The following OTULIN variants were observed in gnomAD, a reference collection of about 807,000 sequenced individuals.
OTULIN encodes the protein ubiquitin thioesterase otulin.
OTULIN carries 15 observed loss-of-function variants against 39.6 expected under a neutral mutation model. The observed-to-expected ratio is 0.38, with a 90% confidence interval of 0.25 to 0.58. The LOEUF is 0.58. OTULIN is among the 20% of genes least tolerant of loss of function. The pLI, the probability that OTULIN is intolerant of heterozygous loss-of-function variation, is 0.66. For missense variants in OTULIN, 319 were observed against 445.9 expected, an observed-to-expected ratio of 0.72 and a Z score of 2.56; for synonymous variants, 156 against 170.3, an observed-to-expected ratio of 0.92 and a Z score of 0.65.
At position 14,693,087 on chromosome 5, in the gene OTULIN, A is replaced by T; in HGVS notation, c.*39A>T. 1 of 1,547,702 alleles carries T rather than the reference A, an allele frequency of 6.5e-7. No individual in the cohort carries two copies. The highest frequency in any genetic ancestry group is 8.8e-7 in the Non-Finnish European group (1 of 1,139,906). ...CTGACAGCCTGGCGACGTGGCGAAG[A>T]TGCACAGGTGGCTCCTGGGCTTGGG... On this transcript the variant is annotated 3_prime_UTR_variant, in exon 7 of 7. Coordinates refer to ENST00000284274, the MANE Select transcript of OTULIN (RefSeq NM_138348.6).
intron 5 of OTULIN, among the ~76,000 whole-genome samples, chr5:14,688,587 T>A (rs1579975306): frequency 6.6e-6 from 1 of 152,336 alleles, no homozygotes; most frequent in Non-Finnish European, 1.5e-5. Flanking sequence ...GAACCTAGTT[T>A]TTGCTTAGAA....
Position 14,696,752 on chromosome 5 carries a change from A to AATACATAATTATGTAT in OTULIN, c.*3704_*3705insATACATAATTATGTAT, listed in dbSNP as rs573761601. The AATACATAATTATGTAT allele has an allele frequency of 1.3e-5, 2 of 152,198 alleles. No homozygotes were observed. Among genetic ancestry groups the AATACATAATTATGTAT allele is most frequent in the African/African-American group, 4.8e-5 (2 of 41,458 alleles). The allele number at this position is 152,198 out of a possible 1,614,324, so 9.4% of individuals were successfully genotyped here. A position where few individuals can be genotyped will look rare whatever the true frequency, so the allele number is the denominator to read the frequency against. On this transcript the variant is annotated 3_prime_UTR_variant, in exon 7 of 7. Transcript: ENST00000284274. ...CCTATTTCTAAAATTTAAGTCCCTT[A>AATACATAATTATGTAT]TTTAACAGAAGTATGTATTTTAATG...
At chr5:14,677,750 C>A (rs779753857) in intron 2 of OTULIN, among the ~76,000 whole-genome samples, 6 of 152,034 alleles carry the variant, frequency 3.9e-5, no homozygotes, top group Non-Finnish European at 7.3e-5. Flanking sequence ...TATTATCGAC[C>A]ACTTTTAGGT....
At position 14,693,353 on chromosome 5, in the gene OTULIN, G is replaced by T; in HGVS notation, c.*305G>T. The T allele has an allele frequency of 3.8e-6, 1 of 266,484 alleles. No homozygotes were observed. Among genetic ancestry groups the T allele is most frequent in the Non-Finnish European group, 7.1e-6 (1 of 141,798 alleles). The allele number at this position is 266,484 out of a possible 1,614,324, so 16.5% of individuals were successfully genotyped here. On this transcript the variant is annotated 3_prime_UTR_variant, in exon 7 of 7. Coordinates refer to ENST00000284274, the MANE Select transcript of OTULIN (RefSeq NM_138348.6). ...GTATCAGAGGAAACTCAGTTTTGGA[G>T]AGGAATATGTTCTTTATGTCTCAAA...
the OTULIN span, chr5:14,712,762 C>T: frequency 1.9e-6 from 2 of 1,078,060 alleles, no homozygotes; most frequent in Non-Finnish European, 2.8e-6. Context: ...GCAGTGTCAC[C>T]AAGGATCCCC....
chr5:14,711,413 T>C, the OTULIN span: 15 of 973,744 alleles, frequency 1.5e-5, no homozygotes, highest in East Asian at 2.9e-4. Flanking sequence ...GACCCCTCAC[T>C]GTAGGCTTAA....
the OTULIN span, among the ~76,000 whole-genome samples, chr5:14,712,148 C>A: frequency 6.6e-6 from 1 of 152,246 alleles, no homozygotes; most frequent in Non-Finnish European, 1.5e-5. Flanking sequence ...TCTCAGCCCA[C>A]ACCCCTCAGC....
In OTULIN at chr5:14,690,968, A is replaced by G. The variant is rs1200137469; in HGVS notation, c.864+660A>G. On this transcript the variant is annotated intron_variant, in intron 6 of 6. Coordinates refer to ENST00000284274, the MANE Select transcript of OTULIN (RefSeq NM_138348.6). The surrounding 1 kb of genome is among the most constrained non-coding windows in gnomAD (Gnocchi z 4.5). ...TCGAAGGGTCTTGTTTAATCTTGGCAACTGTAGCTGCATTAAAAAGAGAAA... is the reference window on the plus strand; with the variant it reads ...TCGAAGGGTCTTGTTTAATCTTGGCGACTGTAGCTGCATTAAAAAGAGAAA... Among the ~76,000 whole-genome samples the G allele has an allele frequency of 6.6e-6, 1 of 152,210 alleles. No individual in the cohort carries two copies. The highest frequency in any genetic ancestry group is 2.4e-5 in the African/African-American group (1 of 41,450).
chr5:14,714,451 G>A, the OTULIN span, among the ~76,000 whole-genome samples: 1 of 152,056 alleles, frequency 6.6e-6, no homozygotes, highest in Non-Finnish European at 1.5e-5. Flanking sequence ...GGGCCTTGAA[G>A]AGAGGGCCTG....
chr5:14,676,299 G>A (rs143699463), intron 2 of OTULIN, among the ~76,000 whole-genome samples: 18 of 152,260 alleles, frequency 1.2e-4, no homozygotes, highest in East Asian at 9.6e-4. Flanking sequence ...AAACAGCAGC[G>A]TCTGTGTAGT....
chr5:14,676,190 G>GC (rs1736100051), intron 2 of OTULIN, among the ~76,000 whole-genome samples: 1 of 152,204 alleles, frequency 6.6e-6, no homozygotes, highest in Admixed American at 6.5e-5. Context: ...TAAAGATGAA[G>GC]CCTCTTGGTT....
At chr5:14,711,657 C>T in the OTULIN span, among the ~76,000 whole-genome samples, 2 of 152,222 alleles carry the variant, frequency 1.3e-5, no homozygotes, top group African/African-American at 4.8e-5. Flanking sequence ...TCTCCTTCCT[C>T]CTCCCTAAAG....
At chr5:14,711,247 G>C in the OTULIN span, 1 of 1,614,038 alleles carries the variant, frequency 6.2e-7, no homozygotes, top group Non-Finnish European at 8.5e-7. Context: ...TCCTCTGTCG[G>C]AGGCATGTCT....
At chr5:14,679,110 C>G (rs539472549) in intron 3 of OTULIN, among the ~76,000 whole-genome samples, 1 of 152,266 alleles carries the variant, frequency 6.6e-6, no homozygotes, top group Admixed American at 6.5e-5. Context: ...ATAAAAGCCT[C>G]AGGGATGCCT....
At chr5:14,709,739 G>C in the OTULIN span, 3 of 152,552 alleles carry the variant, frequency 2.0e-5, no homozygotes, top group African/African-American at 4.8e-5. Context: ...TTATAAAACT[G>C]CTGCCAATAA....
chr5:14,691,719 A>T (rs1461000391), intron 6 of OTULIN, among the ~76,000 whole-genome samples: 6 of 152,180 alleles, frequency 3.9e-5, no homozygotes, highest in Non-Finnish European at 8.8e-5. Context: ...ATTTTGTCAA[A>T]AGAAACCTCA....
chr5:14,667,338 T>G (rs1030900207), intron 1 of OTULIN, among the ~76,000 whole-genome samples: 1 of 152,144 alleles, frequency 6.6e-6, no homozygotes, highest in Admixed American at 6.5e-5. Flanking sequence ...GTGAGAGAAG[T>G]GGGGGAAAAG....
the OTULIN span, chr5:14,707,948 T>C: frequency 6.6e-6 from 1 of 152,228 alleles, no homozygotes; most frequent in African/African-American, 2.4e-5. Flanking sequence ...ACAAGTGGCC[T>C]TCTGTGCCCC....
At position 14,689,456 on chromosome 5, in the gene OTULIN, A is replaced by G. The variant is rs16903653; in HGVS notation, c.595-583A>G. ...GTTTTCTTTTTTAAAGAGTTTGTCT[A>G]TATTCACTGAATACCTAACACATTA... On this transcript the variant is annotated intron_variant, in intron 5 of 6. Coordinates refer to ENST00000284274, the MANE Select transcript of OTULIN (RefSeq NM_138348.6). Among the ~76,000 whole-genome samples the G allele has an allele frequency of 8.9e-3, 1,358 of 152,346 alleles. 22 individuals carry two copies. Among genetic ancestry groups the G allele is most frequent in the African/African-American group, 0.031 (1,271 of 41,584 alleles).
Sources: allele counts gnomAD v4.1 joint callset (sites outside exome capture counted in the v4.1 genomes callset), GRCh38; gene constraint gnomAD v4.1.1; non-coding constraint Gnocchi (gnomAD v3.1); transcripts MANE v1.5; gene names NCBI Gene and HGNC (gene_info 2026-07-23, HGNC 2026-07-21).